ZFAT: variants seen among roughly 807,000 people sequenced by gnomAD.
The protein encoded by ZFAT is zinc finger and AT-hook domain containing, also known as zinc finger protein ZFAT.
In ZFAT, 64 loss-of-function variants were observed where a neutral mutation model predicts 117.7. The ratio of observed to expected loss-of-function variants is 0.54; its 90% CI spans 0.44 to 0.67. The LOEUF (loss-of-function observed/expected upper bound fraction) is 0.67. ZFAT is among the 30% of genes least tolerant of loss of function. The probability of loss-of-function intolerance (pLI) is 0.00; values close to 1 mark genes in which losing one functional copy is unlikely to be tolerated. For synonymous variants in ZFAT, 679 were observed against 615.0 expected, an observed-to-expected ratio of 1.10 and a Z score of -1.54; for missense variants, 1,433 against 1,584.5, an observed-to-expected ratio of 0.90 and a Z score of 1.62.
At chr8:134,701,873 T>G (rs1834016488) in intron 1 of ZFAT, among the ~76,000 whole-genome samples, 1 of 152,222 alleles carries the variant, frequency 6.6e-6, no homozygotes, top group East Asian at 1.9e-4. Context: ...CCTCCAGAAA[T>G]ACATGTTGAA....
chr8:134,484,921 G>C (rs921968542), intron 15 of ZFAT, among the ~76,000 whole-genome samples: 3 of 152,154 alleles, frequency 2.0e-5, no homozygotes, highest in Non-Finnish European at 4.4e-5. Flanking sequence ...TCAGCTTCCA[G>C]AGTAGCTGGG....
chr8:134,538,646 A>C (rs1219033786), intron 11 of ZFAT, among the ~76,000 whole-genome samples: 3 of 151,870 alleles, frequency 2.0e-5, no homozygotes, highest in Non-Finnish European at 4.4e-5. Context: ...AAAATACAAA[A>C]ATTAGCCGGG....
chr8:134,645,871 A>G (rs938286050), intron 2 of ZFAT, among the ~76,000 whole-genome samples: 4 of 152,218 alleles, frequency 2.6e-5, no homozygotes, highest in Non-Finnish European at 5.9e-5. Flanking sequence ...TCTCCAAAAC[A>G]GACAACATTT....
chr8:134,701,226 T>C (rs976087854), intron 1 of ZFAT, among the ~76,000 whole-genome samples: 1 of 152,184 alleles, frequency 6.6e-6, no homozygotes, highest in African/African-American at 2.4e-5. Flanking sequence ...TTCTGTCTCT[T>C]TGAATTTAAC....
At chr8:134,689,834 G>C (rs966277667) in intron 1 of ZFAT, among the ~76,000 whole-genome samples, 7 of 152,234 alleles carry the variant, frequency 4.6e-5, no homozygotes, top group Non-Finnish European at 8.8e-5. Context: ...TGAAAGCACG[G>C]GGCAAGAGGC....
At chr8:134,728,804 T>G in the ZFAT span, among the ~76,000 whole-genome samples, 1 of 152,374 alleles carries the variant, frequency 6.6e-6, no homozygotes, top group South Asian at 2.1e-4. Context: ...TATATAAGAA[T>G]GTTTATGCTA....
rs1827519725 is a variant in ZFAT, at chr8:134,602,052, G to A, written c.1667C>T (p.Pro556Leu). ...RKEPEAPGEMPAPAVHLASPQ... is the reference protein window; with the variant it reads ...RKEPEAPGEMLAPAVHLASPQ... Reference sequence around the variant, plus strand: ...GGAGGCCAGGTGCACAGCTGGGGCAGGCATTTCCCCAGGGGCCTCCGGCTC... The same window carrying A: ...GGAGGCCAGGTGCACAGCTGGGGCAAGCATTTCCCCAGGGGCCTCCGGCTC... Residue 556 changes from proline (P) to leucine (L), a missense_variant, in exon 6 of 16, where the codon CCT becomes CTT. Transcript: ENST00000377838. 3 of 1,611,748 alleles carry A rather than the reference G, an allele frequency of 1.9e-6. No individual in the cohort carries two copies. The highest frequency in any genetic ancestry group is 1.7e-6 in the Non-Finnish European group (2 of 1,179,554).
intron 1 of ZFAT, among the ~76,000 whole-genome samples, chr8:134,712,107 T>C (rs915607399): frequency 2.0e-5 from 3 of 152,166 alleles, no homozygotes; most frequent in Non-Finnish European, 2.9e-5. Flanking sequence ...TCTAAGAAGA[T>C]GGAGGTACAA....
At chr8:134,687,659 A>G (rs1039002296) in intron 1 of ZFAT, among the ~76,000 whole-genome samples, 1 of 151,908 alleles carries the variant, frequency 6.6e-6, no homozygotes, top group Non-Finnish European at 1.5e-5. Flanking sequence ...ACAGCTCCCC[A>G]TTTGCAAACT....
chr8:134,712,750 C>T (rs1177801711), intron 1 of ZFAT, 95 bp downstream of exon 1: 5 of 1,261,136 alleles, frequency 4.0e-6, no homozygotes, highest in African/African-American at 1.6e-5. Context: ...GCGGCCGGCG[C>T]ACTGCTTCCC....
At chr8:134,813,508 G>A in the ZFAT span, among the ~76,000 whole-genome samples, 41 of 152,270 alleles carry the variant, frequency 2.7e-4, no homozygotes, top group African/African-American at 8.9e-4. Context: ...CCGCTTCCCC[G>A]TTCAAGTGAT....
At chr8:134,695,573 A>T (rs34903512) in intron 1 of ZFAT, among the ~76,000 whole-genome samples, 57,629 of 146,684 alleles carry the variant, frequency 0.39, 11,237 homozygotes, top group South Asian at 0.44. Context: ...CCCCAGGCCC[A>T]GGCGGCATCT....
chr8:134,669,083 CA>C (rs1455570166), intron 1 of ZFAT, among the ~76,000 whole-genome samples: 1 of 152,084 alleles, frequency 6.6e-6, no homozygotes, highest in Non-Finnish European at 1.5e-5. Flanking sequence ...ACAAAGCCTC[CA>C]AGAAATATGG....
chr8:134,813,687 G>A, the ZFAT span, among the ~76,000 whole-genome samples: 1 of 152,014 alleles, frequency 6.6e-6, no homozygotes, highest in African/African-American at 2.4e-5. Context: ...CAAAGTGCTG[G>A]GATTAGAGGC....
chr8:134,603,031 T>C, intron 5 of ZFAT, 98 bp from the exon 6 acceptor site: 1 of 1,490,556 alleles, frequency 6.7e-7, no homozygotes, highest in African/African-American at 1.4e-5. Flanking sequence ...GGCTGAAAAG[T>C]GAACAAAACT....
chr8:134,703,904 A>G (rs1294576502), intron 1 of ZFAT, among the ~76,000 whole-genome samples: 1 of 152,198 alleles, frequency 6.6e-6, no homozygotes, highest in Non-Finnish European at 1.5e-5. Flanking sequence ...GAGGGAAAGA[A>G]GGAAAAAACA....
chr8:134,807,627 G>A, the ZFAT span, among the ~76,000 whole-genome samples: 1 of 151,758 alleles, frequency 6.6e-6, no homozygotes, highest in Non-Finnish European at 1.5e-5. Context: ...TAGCAGGGTG[G>A]TGACAGGGAG....
chr8:134,531,428 C>T (rs901737698), intron 12 of ZFAT, among the ~76,000 whole-genome samples: 1 of 152,182 alleles, frequency 6.6e-6, no homozygotes, highest in Non-Finnish European at 1.5e-5. Flanking sequence ...AAAAATAATG[C>T]GATGGCTCCA....
At chr8:134,547,999 G>A (rs1430275586) in intron 11 of ZFAT, among the ~76,000 whole-genome samples, 1 of 152,218 alleles carries the variant, frequency 6.6e-6, no homozygotes, top group African/African-American at 2.4e-5. Context: ...ATGGAGTGAA[G>A]GACCAGGCAT....
Sources: allele counts gnomAD v4.1 joint callset (sites outside exome capture counted in the v4.1 genomes callset), GRCh38; gene constraint gnomAD v4.1.1; transcripts MANE v1.5; gene names NCBI Gene and HGNC (gene_info 2026-07-23, HGNC 2026-07-21).